Variants in ALK observed in about 807,000 individuals in gnomAD.
ALK encodes ALK receptor tyrosine kinase, also known as ALK tyrosine kinase receptor.
A neutral mutation model predicts 163.1 loss-of-function variants in ALK; 74 were observed. The ratio of observed to expected loss-of-function variants is 0.45; its 90% CI spans 0.38 to 0.55. ALK has a LOEUF of 0.55. Among genes scored for constraint, ALK ranks in the 20% least tolerant of loss-of-function variants. The probability of loss-of-function intolerance (pLI) is 0.00; values close to 1 mark genes in which losing one functional copy is unlikely to be tolerated. For missense variants in ALK, 2,063 were observed against 2,105.3 expected (o/e 0.98, Z 0.39); for synonymous variants, 960 against 843.2 (o/e 1.14, Z -2.40).
intron 4 of ALK, among the ~76,000 whole-genome samples, chr2:29,418,110 G>A (rs566160411): frequency 7.9e-4 from 120 of 152,214 alleles, no homozygotes; most frequent in Non-Finnish European, 1.2e-3. Context: ...AATTGGATTC[G>A]ATTCGTCCTT....
chr2:29,619,741 A>G (rs73921132), intron 3 of ALK, among the ~76,000 whole-genome samples: 2,299 of 152,278 alleles, frequency 0.015, 61 homozygotes, highest in African/African-American at 0.052. Context: ...ATCTCCACCC[A>G]TTTATATTTA....
chr2:29,568,552 T>A (rs1219488414), intron 3 of ALK, among the ~76,000 whole-genome samples: 1 of 152,012 alleles, frequency 6.6e-6, no homozygotes, highest in African/African-American at 2.4e-5. Flanking sequence ...TCGAGAGTTC[T>A]TTAGGGGTCC....
chr2:29,502,447 A>C (rs1157641850), intron 4 of ALK, among the ~76,000 whole-genome samples: 1 of 152,178 alleles, frequency 6.6e-6, no homozygotes, highest in South Asian at 2.1e-4. Flanking sequence ...GAGTGTTTGC[A>C]GTAGAAGTGA....
chr2:29,534,754 T>C (rs139348597), intron 3 of ALK, among the ~76,000 whole-genome samples: 5 of 152,370 alleles, frequency 3.3e-5, no homozygotes, highest in African/African-American at 1.2e-4. Context: ...GGGCTCTTTC[T>C]GTGTCACTGC....
intron 3 of ALK, among the ~76,000 whole-genome samples, chr2:29,691,487 G>A (rs1415827197): frequency 1.3e-5 from 2 of 152,110 alleles, no homozygotes; most frequent in Admixed American, 1.3e-4. Flanking sequence ...TAACAGTGAT[G>A]ACTTTTCAGA....
At chr2:29,559,041 G>A (rs1213013209) in intron 3 of ALK, among the ~76,000 whole-genome samples, 1 of 152,144 alleles carries the variant, frequency 6.6e-6, no homozygotes, top group Non-Finnish European at 1.5e-5. Flanking sequence ...TATGCATCCA[G>A]TACCTAACAT....
intron 8 of ALK, among the ~76,000 whole-genome samples, chr2:29,302,968 G>T (rs1666411435): frequency 6.6e-6 from 1 of 152,148 alleles, no homozygotes; most frequent in African/African-American, 2.4e-5. Flanking sequence ...CCTAGGCAAA[G>T]AATTTATGAC....
intron 22 of ALK, among the ~76,000 whole-genome samples, 157 bp downstream of exon 22, chr2:29,222,187 A>G (rs1669820979): frequency 6.6e-6 from 1 of 152,182 alleles, no homozygotes; most frequent in African/African-American, 2.4e-5. Context: ...CATTCTGGTA[A>G]GAAGTGTCTA....
chr2:29,672,911 A>G (rs1389648568), intron 3 of ALK, among the ~76,000 whole-genome samples: 3 of 128,976 alleles, frequency 2.3e-5, no homozygotes, highest in African/African-American at 9.7e-5. Flanking sequence ...TTTGATTTGC[A>G]TTTCTCTGAT....
chr2:29,488,739 T>C (rs1671835762), intron 4 of ALK, among the ~76,000 whole-genome samples: 1 of 152,122 alleles, frequency 6.6e-6, no homozygotes, highest in African/African-American at 2.4e-5. Flanking sequence ...CAAAGGGAGA[T>C]GAGGGGATGG....
chr2:29,385,005 C>T (rs547245939), intron 4 of ALK, among the ~76,000 whole-genome samples: 11 of 151,800 alleles, frequency 7.2e-5, no homozygotes, highest in Admixed American at 3.9e-4. Flanking sequence ...GAGCAGAGAT[C>T]GCCACTGCAT....
intron 1 of ALK, among the ~76,000 whole-genome samples, chr2:29,885,382 T>C (rs1666961967): frequency 6.6e-6 from 1 of 152,072 alleles, no homozygotes; most frequent in South Asian, 2.1e-4. Context: ...AAACAGAACA[T>C]CACGAAAGTC....
chr2:29,328,326 G>A (rs756001052), intron 6 of ALK, 24 bp downstream of exon 6: 80 of 1,613,916 alleles, frequency 5.0e-5, no homozygotes, highest in Non-Finnish European at 6.7e-5. Flanking sequence ...GCTCAGGCAG[G>A]GTGGGGCAGC....
At chr2:29,714,120 C>T (rs531733237) in intron 2 of ALK, among the ~76,000 whole-genome samples, 7 of 151,858 alleles carry the variant, frequency 4.6e-5, no homozygotes, top group Non-Finnish European at 7.4e-5. Context: ...ATCCTTTAGC[C>T]AAGCCTATAA....
chr2:29,268,373 C>T (rs898464498), intron 11 of ALK, among the ~76,000 whole-genome samples: 4 of 152,206 alleles, frequency 2.6e-5, no homozygotes, highest in Non-Finnish European at 5.9e-5. Flanking sequence ...GGGCACCTGT[C>T]CTGGTTCTAG....
In ALK at chr2:29,423,862, G is replaced by A. The variant is rs531330743; in HGVS notation, c.1155-40003C>T. The stretch of plus-strand genomic sequence containing the variant: ...TGAACAGAGGGAACACAGAAAGGAG[G>A]AGGCTATGCTCTCCTTATAAAATAT... On this transcript the variant is annotated intron_variant, in intron 4 of 28. Transcript: ENST00000389048. 2.0e-3 allele frequency among the ~76,000 whole-genome samples: 306 copies of A among 152,300 alleles called. 4 individuals are homozygous for A. The highest frequency in any genetic ancestry group is 7.1e-3 in the African/African-American group (296 of 41,562).
chr2:29,193,758 A>G lies in ALK; in HGVS notation c.4329T>C (p.Pro1443=), dbSNP rs2148138696. 6.3e-7 allele frequency: 1 copy of G among 1,597,116 alleles called. No individual in the cohort carries two copies. The highest frequency in any genetic ancestry group is 2.2e-5 in the East Asian group (1 of 44,670). Residue 1443 remains proline (P), a synonymous_variant, in exon 29 of 29, where the codon CCT becomes CCC. Transcript: ENST00000389048. ...CCTTGCCAGAGGAGGTGGTAGGCAG[A>G]GGTGGTGGGGCAGCTGGGCTGCGCT... is the stretch of plus-strand genomic sequence containing the variant. ...EEERSPAAPP[P]LPTTSSGKAA...
At chr2:29,347,319 A>G (rs1335724937) in intron 5 of ALK, among the ~76,000 whole-genome samples, 1 of 152,194 alleles carries the variant, frequency 6.6e-6, no homozygotes, top group Non-Finnish European at 1.5e-5. Flanking sequence ...CTTTCTGCCT[A>G]GAATCTGGTT....
intron 1 of ALK, among the ~76,000 whole-genome samples, chr2:29,752,570 G>C (rs1170898483): frequency 3.3e-5 from 5 of 151,670 alleles, no homozygotes; most frequent in African/African-American, 7.3e-5. Context: ...GGATGGTCTC[G>C]ATCTCCTGAC....
Sources: allele counts gnomAD v4.1 joint callset (sites outside exome capture counted in the v4.1 genomes callset), GRCh38; gene constraint gnomAD v4.1.1; transcripts MANE v1.5; gene names NCBI Gene and HGNC (gene_info 2026-07-23, HGNC 2026-07-21).